Variants in PRDM11 observed in about 807,000 individuals in gnomAD.
PRDM11 encodes PR domain-containing protein 11.
PRDM11 carries 20 observed loss-of-function variants against 97.8 expected under a neutral mutation model. That is an observed-to-expected ratio of 0.20 (90% confidence interval 0.14 to 0.30). PRDM11 has a LOEUF of 0.30. PRDM11 is among the 10% of genes least tolerant of loss of function. The pLI is 1.00. For missense variants in PRDM11, 1,139 were observed against 1,555.2 expected, an observed-to-expected ratio of 0.73 and a Z score of 4.50; for synonymous variants, 599 against 637.7, an observed-to-expected ratio of 0.94 and a Z score of 0.91.
intron 7 of PRDM11, 107 bp downstream of exon 7, chr11:45,224,950 G>T (rs746082736): frequency 8.2e-6 from 13 of 1,582,480 alleles, no homozygotes; most frequent in Non-Finnish European, 1.1e-5. Flanking sequence ...GAGACCTGAG[G>T]AGTGTAACGT....
intron 1 of PRDM11, among the ~76,000 whole-genome samples, chr11:45,111,130 A>C (rs1852168654): frequency 6.6e-6 from 1 of 151,946 alleles, no homozygotes; most frequent in South Asian, 2.1e-4. Context: ...CCATAATTCT[A>C]AGCACTAGTT....
chr11:45,138,539 G>T (rs2135662724), intron 1 of PRDM11, among the ~76,000 whole-genome samples: 1 of 152,314 alleles, frequency 6.6e-6, no homozygotes, highest in South Asian at 2.1e-4. Context: ...CTGAACTCCG[G>T]CTTGGGTGAC....
intron 4 of PRDM11, among the ~76,000 whole-genome samples, chr11:45,194,760 G>A (rs1019405914): frequency 1.9e-4 from 29 of 150,430 alleles, no homozygotes; most frequent in Middle Eastern, 3.4e-3. Flanking sequence ...CACTACGCCC[G>A]GCTAATTTTT....
At chr11:45,199,965 C>T (rs1490686643) in intron 4 of PRDM11, among the ~76,000 whole-genome samples, 1 of 152,218 alleles carries the variant, frequency 6.6e-6, no homozygotes, top group Non-Finnish European at 1.5e-5. Flanking sequence ...ACATAATTCT[C>T]CACCATGGGA....
chr11:45,201,921 C>T (rs931819284), intron 4 of PRDM11, among the ~76,000 whole-genome samples: 4 of 151,908 alleles, frequency 2.6e-5, no homozygotes, highest in African/African-American at 4.8e-5. Context: ...TGCAGTGAGC[C>T]GAGGTGCACC....
At chr11:45,173,660 G>A (rs1041735107) in intron 1 of PRDM11, among the ~76,000 whole-genome samples, 1 of 148,850 alleles carries the variant, frequency 6.7e-6, no homozygotes, top group African/African-American at 2.5e-5. Flanking sequence ...GGGAGGGACC[G>A]CCTTGGGAGA....
At chr11:45,155,561 A>AGGCCGGCT (rs1851773499) in intron 1 of PRDM11, among the ~76,000 whole-genome samples, 1 of 151,658 alleles carries the variant, frequency 6.6e-6, no homozygotes, top group African/African-American at 2.4e-5. Context: ...GCCCCTCTTT[A>AGGCCGGCT]GGCCGGCTGT....
intron 1 of PRDM11, among the ~76,000 whole-genome samples, chr11:45,173,766 C>G (rs1045925662): frequency 6.6e-6 from 1 of 152,162 alleles, no homozygotes; most frequent in African/African-American, 2.4e-5. Flanking sequence ...ATGACCCCAG[C>G]AGGAGCCTCC....
At chr11:45,181,052 G>A (rs1440000682) in intron 1 of PRDM11, among the ~76,000 whole-genome samples, 1 of 152,180 alleles carries the variant, frequency 6.6e-6, no homozygotes, top group Non-Finnish European at 1.5e-5. Context: ...AGGGCCCAGC[G>A]CCGTCCCAGC....
intron 4 of PRDM11, among the ~76,000 whole-genome samples, chr11:45,199,596 C>T (rs1382652125): frequency 1.3e-5 from 2 of 152,190 alleles, no homozygotes; most frequent in Non-Finnish European, 2.9e-5. Flanking sequence ...TGGGCTGGTC[C>T]AAAGTGCTGA....
At chr11:45,217,607 C>T (rs1418809941) in intron 5 of PRDM11, among the ~76,000 whole-genome samples, 5 of 152,202 alleles carry the variant, frequency 3.3e-5, no homozygotes, top group African/African-American at 1.2e-4. Flanking sequence ...CTTCTGAGGT[C>T]TTGCAGCATC....
chr11:45,178,121 C>T (rs1015815493), intron 1 of PRDM11, among the ~76,000 whole-genome samples: 1 of 151,464 alleles, frequency 6.6e-6, no homozygotes, highest in African/African-American at 2.4e-5. Flanking sequence ...ATCTCCCTTC[C>T]CCTCCTCATC....
rs1854374083 is a variant in PRDM11, at chr11:45,230,213, AT to A, written c.*2055del. ...GTTAAAAAACAAAAAACAAAAAAAAATGGGTTCCTCCAACTGTCCCACTGCC... is the reference window on the plus strand; with the variant it reads ...GTTAAAAAACAAAAAACAAAAAAAAAGGGTTCCTCCAACTGTCCCACTGCC... On this transcript the variant is annotated 3_prime_UTR_variant, in exon 8 of 8. Coordinates refer to ENST00000683152, the MANE Select transcript of PRDM11 (RefSeq NM_001384648.1). The A allele has an allele frequency of 6.6e-6, 1 of 151,942 alleles. No homozygotes were observed. Among genetic ancestry groups the A allele is most frequent in the South Asian group, 2.1e-4 (1 of 4,814 alleles). 9.4% of individuals were successfully genotyped at this position (151,942 alleles called of 1,614,324 possible).
At chr11:45,185,808 G>A (rs1246658226) in intron 4 of PRDM11, among the ~76,000 whole-genome samples, 1 of 152,120 alleles carries the variant, frequency 6.6e-6, no homozygotes, top group Non-Finnish European at 1.5e-5. Context: ...TATCTTCATG[G>A]CAGAAGGGAT....
At chr11:45,224,958 C>T (rs760899507) in intron 7 of PRDM11, 115 bp downstream of exon 7, 45 of 1,564,802 alleles carry the variant, frequency 2.9e-5, no homozygotes, top group Admixed American at 1.4e-4. Context: ...AGGAGTGTAA[C>T]GTGGAGGCGG....
intron 1 of PRDM11, among the ~76,000 whole-genome samples, chr11:45,136,635 C>T (rs550435990): frequency 2.6e-5 from 4 of 152,228 alleles, no homozygotes; most frequent in East Asian, 3.9e-4. Context: ...CTTAGAAGGC[C>T]GAGGTGAGGG....
intron 4 of PRDM11, among the ~76,000 whole-genome samples, chr11:45,197,936 G>A (rs1421400798): frequency 6.6e-6 from 1 of 151,998 alleles, no homozygotes; most frequent in East Asian, 1.9e-4. Flanking sequence ...CGAGTTAACG[G>A]GTGCAGCACA....
chr11:45,231,272 C>A lies in PRDM11; in HGVS notation c.*3113C>A, dbSNP rs1479552799. 6.6e-6 allele frequency: 1 copy of A among 152,058 alleles called. No homozygotes were observed. The highest frequency in any genetic ancestry group is 1.5e-5 in the Non-Finnish European group (1 of 68,044). 9.4% of individuals were successfully genotyped at this position (152,058 alleles called of 1,614,324 possible). A position where few individuals can be genotyped will look rare whatever the true frequency, so the allele number is the denominator to read the frequency against. Reference sequence around the variant, plus strand: ...TCCTGTGAATTCTGCATGTGATTACCCATGATTTCTGTCATAGGCATTTCC... The same window carrying A: ...TCCTGTGAATTCTGCATGTGATTACACATGATTTCTGTCATAGGCATTTCC... On this transcript the variant is annotated 3_prime_UTR_variant, in exon 8 of 8. Coordinates refer to ENST00000683152, the MANE Select transcript of PRDM11 (RefSeq NM_001384648.1).
chr11:45,144,503 C>T (rs1462863480), upstream of PRDM11, among the ~76,000 whole-genome samples: 5 of 152,158 alleles, frequency 3.3e-5, no homozygotes, highest in Non-Finnish European at 5.9e-5. Flanking sequence ...AAGAAATTCC[C>T]TCCTTACCTC....
Sources: allele counts gnomAD v4.1 joint callset (sites outside exome capture counted in the v4.1 genomes callset), GRCh38; gene constraint gnomAD v4.1.1; transcripts MANE v1.5; gene names NCBI Gene and HGNC (gene_info 2026-07-23, HGNC 2026-07-21).